FNDC7: variants seen among roughly 807,000 people sequenced by gnomAD.
The protein encoded by FNDC7 is fibronectin type III domain-containing protein 7.
In FNDC7, 66 loss-of-function variants were observed where a neutral mutation model predicts 74.2. The observed-to-expected ratio is 0.89, with a 90% CI of 0.73 to 1.09. The LOEUF (loss-of-function observed/expected upper bound fraction) is 1.09, where lower values mean the gene tolerates loss of function less well. Ranked by LOEUF, FNDC7 falls within the 50% of genes least tolerant of loss-of-function variation. The pLI is 0.00. For synonymous variants in FNDC7, 307 were observed against 330.2 expected (o/e 0.93, Z 0.76); for missense variants, 829 against 893.4 (o/e 0.93, Z 0.92).
intron 11 of FNDC7, among the ~76,000 whole-genome samples, chr1:108,741,168 C>T (rs1661634715): frequency 6.6e-6 from 1 of 151,906 alleles, no homozygotes; most frequent in Non-Finnish European, 1.5e-5. Flanking sequence ...TTCAAGAAAG[C>T]TATTTCAATG....
intron 4 of FNDC7, among the ~76,000 whole-genome samples, chr1:108,719,360 C>T (rs1201014554): frequency 6.6e-6 from 1 of 152,212 alleles, no homozygotes; most frequent in African/African-American, 2.4e-5. Flanking sequence ...GTTTACCCAT[C>T]ACCCCTTGTC....
chr1:108,713,379 A>G, intron 1 of FNDC7, 132 bp from the exon 2 acceptor site: 1 of 753,380 alleles, frequency 1.3e-6, no homozygotes, highest in South Asian at 1.6e-5. Flanking sequence ...AAATACTTGT[A>G]TGGATTGAAA....
chr1:108,728,024 G>A lies in FNDC7; in HGVS notation c.1328G>A (p.Arg443Gln), dbSNP rs150130697. 62 of 1,614,150 alleles carry A rather than the reference G, an allele frequency of 3.8e-5. 1 individual carries two copies. The South Asian group carries it at 4.7e-4, about 12-fold the overall frequency. Residue 443 changes from arginine to glutamine, a missense_variant, in exon 7 of 13, where the codon CGA becomes CAA. Transcript: ENST00000370017. The part of the protein sequence containing the change: ...NITVYSFNEV[R>Q]GSNMSCTPQF... ...ACAGTGTATTCATTCAATGAAGTCC[G>A]AGGCAGCAATATGTCATGTACTCCC...
Position 108,722,550 on chromosome 1 carries a change from G to A in FNDC7, c.814G>A (p.Ala272Thr). 2 of 1,614,138 alleles carry A rather than the reference G, an allele frequency of 1.2e-6. No individual in the cohort carries two copies. Among genetic ancestry groups the A allele is most frequent in the Non-Finnish European group, 1.7e-6 (2 of 1,180,000 alleles). The change falls in exon 5 of 13, where the codon GCT (alanine) becomes ACT (threonine). Residue 272 changes from alanine (A) to threonine (T), a missense_variant. Coordinates refer to ENST00000370017, the MANE Select transcript of FNDC7 (RefSeq NM_001144937.3). ...YLISVLASNDAGSSKSSSAMT... is the reference protein window; with the variant it reads ...YLISVLASNDTGSSKSSSAMT... The stretch of plus-strand genomic sequence containing the variant: ...GATTTCAGTTTTAGCAAGTAATGAT[G>A]CTGGATCTAGCAAATCATCTTCAGC...
rs745898466 is a variant in FNDC7, at chr1:108,728,795, C to A, written c.1533C>A (p.Gly511=). The change falls in exon 8 of 13, where the codon GGC becomes GGA. Residue 511 remains glycine, a synonymous_variant. Coordinates refer to ENST00000370017, the MANE Select transcript of FNDC7 (RefSeq NM_001144937.3). ...SSTGESCTMR[G]LPCGSVFSVT... Reference sequence around the variant, plus strand: ...CAGGAGAGTCCTGCACCATGCGGGGCTTGCCCTGTGGCTCAGTGTTCTCTG... The same window carrying A: ...CAGGAGAGTCCTGCACCATGCGGGGATTGCCCTGTGGCTCAGTGTTCTCTG... 27 of 1,614,260 alleles carry A rather than the reference C, an allele frequency of 1.7e-5. No homozygotes were observed. In the East Asian group the frequency reaches 5.8e-4, roughly 35 times the overall value.
chr1:108,716,320 G>GGTGTGTGT (rs141850435), intron 2 of FNDC7, among the ~76,000 whole-genome samples: 3,455 of 95,502 alleles, frequency 0.036, 83 homozygotes, highest in Middle Eastern at 0.042. Flanking sequence ...GCAGAAGAGA[G>GGTGTGTGT]GTGTGTGTGT....
At chr1:108,719,099 G>C (rs1661038385) in intron 4 of FNDC7, 50 bp downstream of exon 4, 2 of 1,544,118 alleles carry the variant, frequency 1.3e-6, no homozygotes, top group African/African-American at 2.7e-5. Flanking sequence ...TGATTAATGA[G>C]GGGGGCTGTG....
At chr1:108,735,130 A>T (rs1025326297) in intron 10 of FNDC7, among the ~76,000 whole-genome samples, 10 of 152,024 alleles carry the variant, frequency 6.6e-5, no homozygotes, top group Non-Finnish European at 1.0e-4. Context: ...TTAGCTAAAA[A>T]CCCTGGAGTC....
At chr1:108,724,092 A>T (rs1395759618) in intron 5 of FNDC7, among the ~76,000 whole-genome samples, 1 of 152,244 alleles carries the variant, frequency 6.6e-6, no homozygotes, top group Non-Finnish European at 1.5e-5. Context: ...AGAGAAAACT[A>T]AAATTTTTAA....
At chr1:108,716,050 A>G (rs1490730302) in intron 2 of FNDC7, among the ~76,000 whole-genome samples, 1 of 152,012 alleles carries the variant, frequency 6.6e-6, no homozygotes. Context: ...GGGCCCCATG[A>G]CAGGCCTGTG....
chr1:108,740,556 A>C (rs1661620032), intron 11 of FNDC7, among the ~76,000 whole-genome samples: 1 of 151,968 alleles, frequency 6.6e-6, no homozygotes, highest in Admixed American at 6.6e-5. Context: ...TTGAACTCCT[A>C]GACTCATGCG....
At chr1:108,715,036 G>A (rs897056394) in intron 2 of FNDC7, among the ~76,000 whole-genome samples, 7 of 152,170 alleles carry the variant, frequency 4.6e-5, no homozygotes, top group Admixed American at 1.3e-4. Context: ...TAGAGAAATG[G>A]TGGGTCAGGC....
chr1:108,716,130 C>T (rs1660968472), intron 2 of FNDC7, among the ~76,000 whole-genome samples: 1 of 152,140 alleles, frequency 6.6e-6, no homozygotes, highest in Non-Finnish European at 1.5e-5. Flanking sequence ...ATGATCCGGC[C>T]TCCTGTGTCT....
At chr1:108,728,329 A>G (rs1661265877) in intron 7 of FNDC7, among the ~76,000 whole-genome samples, 1 of 152,148 alleles carries the variant, frequency 6.6e-6, no homozygotes, top group Non-Finnish European at 1.5e-5. Context: ...GGTTCCTCCT[A>G]TCTTTGAGGG....
intron 4 of FNDC7, among the ~76,000 whole-genome samples, chr1:108,719,416 G>A (rs1661045414): frequency 6.6e-6 from 1 of 152,170 alleles, no homozygotes; most frequent in African/African-American, 2.4e-5. Flanking sequence ...GGCCAAATAG[G>A]AATTCATTTG....
chr1:108,730,387 TG>T (rs1411572874), intron 8 of FNDC7, among the ~76,000 whole-genome samples: 1 of 143,874 alleles, frequency 7.0e-6, no homozygotes, highest in African/African-American at 2.6e-5. Context: ...ATGTTGAAGA[TG>T]GGGGCAACAA....
chr1:108,725,270 A>G (rs1275037026), intron 5 of FNDC7, among the ~76,000 whole-genome samples: 6 of 152,182 alleles, frequency 3.9e-5, no homozygotes, highest in African/African-American at 1.4e-4. Context: ...TAAAATGATG[A>G]TAGTTGCTGG....
intron 6 of FNDC7, among the ~76,000 whole-genome samples, chr1:108,726,248 T>C (rs1262995570): frequency 1.3e-5 from 2 of 152,240 alleles, no homozygotes; most frequent in African/African-American, 4.8e-5. Context: ...TCAACCTTGC[T>C]CTGAAAGATT....
In FNDC7 at chr1:108,728,760, TGCA is replaced by T; in HGVS notation, c.1505_1507del (p.Ser502del). 1.2e-6 allele frequency: 2 copies of T among 1,614,270 alleles called. No homozygotes were observed. The highest frequency in any genetic ancestry group is 1.7e-6 in the Non-Finnish European group (2 of 1,180,050). ...CCAAGGGGAGAAAGGACTGTATCAG[TGCA>T]GCAGCACAGGAGAGTCCTGCACCAT... On this transcript the variant is annotated inframe_deletion, in exon 8 of 13. Transcript: ENST00000370017.
Sources: gnomAD v4.1 joint callset for allele counts (sites outside exome capture counted in the v4.1 genomes callset) on GRCh38, gnomAD v4.1.1 for gene constraint, MANE v1.5 for transcripts, NCBI Gene and HGNC (gene_info 2026-07-23, HGNC 2026-07-21) for gene names.